Variants in PRKN observed in about 807,000 individuals in gnomAD.
PRKN encodes the protein E3 ubiquitin-protein ligase parkin.
In PRKN, 56 loss-of-function variants were observed where a neutral mutation model predicts 59.5. The observed-to-expected ratio is 0.94, with a 90% confidence interval of 0.76 to 1.18. The LOEUF (loss-of-function observed/expected upper bound fraction) is 1.18. PRKN is among the 50% of genes most tolerant of loss of function. The probability of loss-of-function intolerance (pLI) is 0.00; values close to 1 mark genes in which losing one functional copy is unlikely to be tolerated. For missense variants in PRKN, 657 were observed against 596.4 expected (o/e 1.10, Z -1.06); for synonymous variants, 250 against 222.1 (o/e 1.13, Z -1.12).
intron 6 of PRKN, among the ~76,000 whole-genome samples, chr6:161,878,082 T>C (rs935657226): frequency 1.3e-5 from 2 of 152,090 alleles, no homozygotes; most frequent in Non-Finnish European, 2.9e-5. Context: ...AGCCATGGAT[T>C]CTCTACACAG....
chr6:162,160,576 AT>A (rs1432901613), intron 4 of PRKN, among the ~76,000 whole-genome samples: 1 of 152,218 alleles, frequency 6.6e-6, no homozygotes, highest in Middle Eastern at 3.2e-3. Flanking sequence ...AGCTATAAAA[AT>A]AATCATGCTA....
At chr6:161,874,242 TATATAATATATATTATATGTAA>T (rs1794528392) in intron 6 of PRKN, among the ~76,000 whole-genome samples, 1 of 22,260 alleles carries the variant, frequency 4.5e-5, no homozygotes, top group Non-Finnish European at 8.6e-5. Context: ...TAATATATAA[TATATAATATATATTATATGTAA>T]AATATATAAT....
chr6:162,575,113 T>A (rs1479701954), intron 1 of PRKN, among the ~76,000 whole-genome samples: 4 of 152,174 alleles, frequency 2.6e-5, no homozygotes, highest in Non-Finnish European at 5.9e-5. Flanking sequence ...CCTCTCCTCC[T>A]TCAGAAGGCC....
chr6:161,882,523 A>G (rs1393452198), intron 6 of PRKN, among the ~76,000 whole-genome samples: 1 of 152,142 alleles, frequency 6.6e-6, no homozygotes, highest in Non-Finnish European at 1.5e-5. Context: ...CTTCTCATCA[A>G]TTATCCCAGT....
At chr6:162,689,710 G>A (rs1055022904) in intron 1 of PRKN, among the ~76,000 whole-genome samples, 8 of 152,124 alleles carry the variant, frequency 5.3e-5, no homozygotes, top group African/African-American at 1.9e-4. Context: ...CTCAATACAC[G>A]TAGACCCTCT....
intron 4 of PRKN, among the ~76,000 whole-genome samples, chr6:162,091,695 CT>C (rs776256440): frequency 3.3e-5 from 5 of 152,092 alleles, no homozygotes; most frequent in Non-Finnish European, 7.4e-5. Context: ...AATCTTCTGC[CT>C]CCACCATATT....
Position 162,407,884 on chromosome 6 carries a change from A to G in PRKN, c.171+35426T>C, listed in dbSNP as rs78044978. Among the ~76,000 whole-genome samples, 330 of 151,566 alleles carry G rather than the reference A, an allele frequency of 2.2e-3. 5 individuals carry two copies. Among genetic ancestry groups the G allele is most frequent in the East Asian group, 0.016 (81 of 5,148 alleles). On this transcript the variant is annotated intron_variant, in intron 2 of 11. Coordinates refer to ENST00000366898, the MANE Select transcript of PRKN (RefSeq NM_004562.3). ...AATGTAACTTGGTTAAACTTACTAC[A>G]TTTTCTATTCATTTGGGCCCAGGTA...
intron 7 of PRKN, among the ~76,000 whole-genome samples, chr6:161,733,423 T>C (rs1220111507): frequency 6.6e-6 from 1 of 152,062 alleles, no homozygotes; most frequent in Non-Finnish European, 1.5e-5. Flanking sequence ...AACACCCGGG[T>C]ATAATCATCT....
intron 4 of PRKN, among the ~76,000 whole-genome samples, chr6:162,104,695 C>T (rs1207213065): frequency 1.3e-5 from 2 of 152,110 alleles, no homozygotes; most frequent in Non-Finnish European, 2.9e-5. Context: ...CGTGTAACAC[C>T]AATTGTTGCT....
At chr6:161,569,565 A>G in intron 7 of PRKN, 149 bp from the exon 8 acceptor site, 2 of 707,662 alleles carry the variant, frequency 2.8e-6, no homozygotes, top group Non-Finnish European at 5.1e-6. Flanking sequence ...AACCAACCAC[A>G]AAAAAAGCCA....
At chr6:162,382,168 C>T (rs1186520412) in intron 2 of PRKN, among the ~76,000 whole-genome samples, 4 of 152,106 alleles carry the variant, frequency 2.6e-5, no homozygotes, top group African/African-American at 4.8e-5. Context: ...TAGTACAAGA[C>T]GTATTTAGTC....
Position 161,919,543 on chromosome 6 carries a change from T to C in PRKN, c.734+53759A>G, listed in dbSNP as rs116485097. Among the ~76,000 whole-genome samples, 518 of 152,366 alleles carry C rather than the reference T, an allele frequency of 3.4e-3. 4 individuals carry two copies. Among genetic ancestry groups the C allele is most frequent in the African/African-American group, 0.012 (490 of 41,584 alleles). ...AAGTTATTGGAATTCAGTAAGAACA[T>C]AGCTTGCTCTAGATGGTTAAAGGTT... On this transcript the variant is annotated intron_variant, in intron 6 of 11. Transcript: ENST00000366898.
intron 2 of PRKN, among the ~76,000 whole-genome samples, chr6:162,413,654 G>A (rs937463351): frequency 1.3e-5 from 2 of 151,976 alleles, no homozygotes; most frequent in Non-Finnish European, 2.9e-5. Flanking sequence ...TAACATTGCC[G>A]CTATTTTCAC....
chr6:161,605,136 T>C (rs1782232233), intron 7 of PRKN, among the ~76,000 whole-genome samples: 3 of 152,258 alleles, frequency 2.0e-5, no homozygotes, highest in South Asian at 2.1e-4. Context: ...ATTTCTGCAT[T>C]CTCACAGTAT....
intron 4 of PRKN, among the ~76,000 whole-genome samples, chr6:162,130,199 G>A (rs190781431): frequency 5.3e-5 from 8 of 151,940 alleles, no homozygotes; most frequent in East Asian, 3.9e-4. Flanking sequence ...AACACCTTTC[G>A]AATGCCCACA....
At chr6:162,380,869 C>G (rs1268066798) in intron 2 of PRKN, among the ~76,000 whole-genome samples, 1 of 152,102 alleles carries the variant, frequency 6.6e-6, no homozygotes, top group Non-Finnish European at 1.5e-5. Flanking sequence ...GTCTGTATCA[C>G]TGGACCTATG....
At position 162,171,139 on chromosome 6, in the gene PRKN, A is replaced by G. The variant is rs181271750; in HGVS notation, c.534+29992T>C. Among the ~76,000 whole-genome samples, 77 of 152,182 alleles carry G rather than the reference A, an allele frequency of 5.1e-4. 1 individual carries two copies. In the East Asian group the frequency reaches 0.014, roughly 28 times the overall value. ...GCCTCTTGGTGGTCTGAGGCTGGTA[A>G]ATACACAGGCAGGAACTACGCATTG... On this transcript the variant is annotated intron_variant, in intron 4 of 11. Coordinates refer to ENST00000366898, the MANE Select transcript of PRKN (RefSeq NM_004562.3).
chr6:161,931,013 GAAGAT>G (rs1402142621), intron 6 of PRKN, among the ~76,000 whole-genome samples: 1 of 152,246 alleles, frequency 6.6e-6, no homozygotes, highest in Admixed American at 6.5e-5. Context: ...TACAAAACTT[GAAGAT>G]AATATACATG....
chr6:162,513,982 G>A (rs551509537), intron 1 of PRKN, among the ~76,000 whole-genome samples: 2 of 151,968 alleles, frequency 1.3e-5, no homozygotes, highest in East Asian at 1.9e-4. Context: ...TGAGGTGGAG[G>A]TTGCAGTAAG....
Sources: gnomAD v4.1 joint callset for allele counts (sites outside exome capture counted in the v4.1 genomes callset) on GRCh38, gnomAD v4.1.1 for gene constraint, MANE v1.5 for transcripts, NCBI Gene and HGNC (gene_info 2026-07-23, HGNC 2026-07-21) for gene names.